DACH2: variants seen among roughly 807,000 people sequenced by gnomAD.
DACH2 encodes the protein dachshund family transcription factor 2.
DACH2 carries 17 observed loss-of-function variants against 35.8 expected under a neutral mutation model. That is an observed-to-expected ratio of 0.48 (90% CI 0.33 to 0.71). The LOEUF (loss-of-function observed/expected upper bound fraction) is 0.71, where lower values mean the gene tolerates loss of function less well. Among genes scored for constraint, DACH2 ranks in the 30% least tolerant of loss-of-function variants. DACH2 has a pLI of 0.02. For missense variants in DACH2, 469 were observed against 472.7 expected (o/e 0.99, Z 0.07); for synonymous variants, 195 against 177.3 (o/e 1.10, Z -0.79).
At chrX:86,756,473 G>GTTTT (rs200159073) in intron 7 of DACH2, among the ~76,000 whole-genome samples, 1 of 96,865 alleles carries the variant, frequency 1.0e-5, no homozygotes, top group African/African-American at 3.8e-5. Context: ...TTACTCCTAG[G>GTTTT]TTTTTTTTTT....
chrX:86,308,401 A>G (rs2034732341), intron 1 of DACH2, among the ~76,000 whole-genome samples: 1 of 112,399 alleles, frequency 8.9e-6, no homozygotes, highest in Non-Finnish European at 1.9e-5. Context: ...CAAAGCAGCA[A>G]TCGTGTAGAG....
intron 3 of DACH2, among the ~76,000 whole-genome samples, chrX:86,532,481 GCTCTCTCT>G (rs199608577): frequency 1.9e-5 from 2 of 102,739 alleles, no homozygotes; most frequent in African/African-American, 3.6e-5. Context: ...TTGAAGTATA[GCTCTCTCT>G]CTCTCTCTCT....
intron 1 of DACH2, among the ~76,000 whole-genome samples, chrX:86,213,954 C>T (rs2032508824): frequency 9.0e-6 from 1 of 110,692 alleles, no homozygotes; most frequent in African/African-American, 3.3e-5. Context: ...TCTATGTTTC[C>T]AATTTAAGAA....
intron 3 of DACH2, among the ~76,000 whole-genome samples, chrX:86,579,192 A>G (rs1602665716): frequency 9.1e-6 from 1 of 109,728 alleles, no homozygotes; most frequent in South Asian, 3.9e-4. Flanking sequence ...TCCCAGGTTC[A>G]AGCAATTCTC....
chrX:86,703,338 A>AT (rs1295346276), intron 5 of DACH2, among the ~76,000 whole-genome samples: 2 of 111,525 alleles, frequency 1.8e-5, no homozygotes, highest in East Asian at 5.7e-4. Context: ...CACTGGTGGC[A>AT]TTTTCCCCAT....
At chrX:86,541,113 G>A (rs1032631605) in intron 3 of DACH2, among the ~76,000 whole-genome samples, 7 of 111,986 alleles carry the variant, frequency 6.3e-5, no homozygotes, top group Non-Finnish European at 9.4e-5. Context: ...CGTGTGCAAA[G>A]CAGATTTCCT....
At chrX:86,373,703 C>T (rs761460328) in intron 1 of DACH2, among the ~76,000 whole-genome samples, 2 of 110,852 alleles carry the variant, frequency 1.8e-5, no homozygotes, top group East Asian at 5.8e-4. Context: ...CAGGCACCCC[C>T]ATTATATCAC....
At chrX:86,317,082 A>T (rs1240480739) in intron 1 of DACH2, among the ~76,000 whole-genome samples, 1 of 98,890 alleles carries the variant, frequency 1.0e-5, no homozygotes, top group Non-Finnish European at 2.0e-5. Flanking sequence ...GCACTACTGC[A>T]CTCCAGCCTG....
intron 4 of DACH2, among the ~76,000 whole-genome samples, chrX:86,674,658 G>T (rs2040807090): frequency 8.9e-6 from 1 of 111,895 alleles, no homozygotes; most frequent in Non-Finnish European, 1.9e-5. Flanking sequence ...TCTGGCTCCA[G>T]AATTTCTTAT....
Position 86,814,815 on chromosome X carries a change from T to C in DACH2, c.1665T>C (p.Ser555=). ...QALKQATTSD[S]GLRMLKDTGI... ...TTAAGCAAGCCACCACTAGTGACAG[T>C]GGCCTGAGGATGTTAAAAGGTAATG... The change falls in exon 10 of 12, where the codon AGT becomes AGC. Residue 555 remains serine, a synonymous_variant. Coordinates refer to ENST00000373125, the MANE Select transcript of DACH2 (RefSeq NM_053281.3). 2.5e-6 allele frequency: 3 copies of C among 1,207,245 alleles called. No homozygotes were observed. The highest frequency in any genetic ancestry group is 3.4e-6 in the Non-Finnish European group (3 of 893,384).
chrX:86,293,832 T>G (rs969143309), intron 1 of DACH2, among the ~76,000 whole-genome samples: 9 of 111,083 alleles, frequency 8.1e-5, no homozygotes, highest in Non-Finnish European at 1.3e-4. Flanking sequence ...GGTAACCCTA[T>G]GTTTCTCTCT....
intron 2 of DACH2, among the ~76,000 whole-genome samples, chrX:86,400,434 C>G (rs1427790766): frequency 8.9e-6 from 1 of 111,807 alleles, no homozygotes; most frequent in Non-Finnish European, 1.9e-5. Flanking sequence ...AGCTGCGTTC[C>G]TTTGGAGGAG....
At chrX:86,364,494 C>G (rs749982995) in intron 1 of DACH2, among the ~76,000 whole-genome samples, 11 of 111,064 alleles carry the variant, frequency 9.9e-5, no homozygotes, top group Non-Finnish European at 1.3e-4. Context: ...TCCTTGATTG[C>G]GGTGTGAAGA....
Position 86,739,759 on chromosome X carries a change from G to A in DACH2, c.1117G>A (p.Glu373Lys), listed in dbSNP as rs1404969117. 2 of 1,173,588 alleles carry A rather than the reference G, an allele frequency of 1.7e-6. No individual in the cohort carries two copies. Among genetic ancestry groups the A allele is most frequent in the African/African-American group, 1.8e-5 (1 of 55,659 alleles). ...CCTTTTGTGTCAGGAGCGGATCCCA[G>A]AGAGTCCTTCTCCTGCTCCTTCTCT... ...GTSVIKERIPESPSPAPSLEE... is the reference protein window; with the variant it reads ...GTSVIKERIPKSPSPAPSLEE... Residue 373 changes from glutamate to lysine, a missense_variant, in exon 7 of 12, where the codon GAG becomes AAG. By Grantham distance (56) the Glu-to-Lys change is moderately conservative (BLOSUM62 1). Around this residue, in one of 3 missense-constraint regions of DACH2, gnomAD observed 363 missense variants for 334.4 expected, o/e 1.09. Coordinates refer to ENST00000373125, the MANE Select transcript of DACH2 (RefSeq NM_053281.3).
chrX:86,562,226 C>T (rs2039232133), intron 3 of DACH2, among the ~76,000 whole-genome samples: 1 of 110,435 alleles, frequency 9.1e-6, no homozygotes, highest in African/African-American at 3.3e-5. Flanking sequence ...GAAGGTGACA[C>T]ATGTTTTTTG....
intron 6 of DACH2, among the ~76,000 whole-genome samples, chrX:86,730,416 T>A (rs2041519731): frequency 8.9e-6 from 1 of 112,031 alleles, no homozygotes; most frequent in Non-Finnish European, 1.9e-5. Flanking sequence ...TAAATTATAG[T>A]TTACATCTGA....
At chrX:86,258,229 A>AT (rs755910815) in intron 1 of DACH2, among the ~76,000 whole-genome samples, 2 of 112,202 alleles carry the variant, frequency 1.8e-5, no homozygotes, top group South Asian at 3.7e-4. Flanking sequence ...AAAGTTGTTC[A>AT]TTTTTTAAGC....
intron 1 of DACH2, among the ~76,000 whole-genome samples, chrX:86,281,630 A>G (rs2034031022): frequency 9.0e-6 from 1 of 111,151 alleles, no homozygotes; most frequent in Admixed American, 9.6e-5. Flanking sequence ...TATTCAACAT[A>G]ATATTGGAAG....
In DACH2 at chrX:86,398,240, T is replaced by A. The variant is rs768585733; in HGVS notation, c.527+21378T>A. On this transcript the variant is annotated intron_variant, in intron 2 of 11. Coordinates refer to ENST00000373125, the MANE Select transcript of DACH2 (RefSeq NM_053281.3). The stretch of plus-strand genomic sequence containing the variant: ...CTGTGGGATCGGTGGTGATATCCCC[T>A]TTGTCATTTTTTATTGCATCTATTT... 4.4e-5 allele frequency among the ~76,000 whole-genome samples: 5 copies of A among 112,484 alleles called. No homozygotes were observed. The East Asian group carries it at 1.4e-3, about 31-fold the overall frequency.
Sources: allele counts gnomAD v4.1 joint callset (sites outside exome capture counted in the v4.1 genomes callset), GRCh38; gene constraint gnomAD v4.1.1; regional missense constraint gnomAD v4.1.1; transcripts MANE v1.5; gene names NCBI Gene and HGNC (gene_info 2026-07-23, HGNC 2026-07-21).